Variants in TMPRSS15 observed in about 807,000 individuals in gnomAD.
TMPRSS15 encodes enteropeptidase.
TMPRSS15 carries 128 observed loss-of-function variants against 125.3 expected under a neutral mutation model. The ratio of observed to expected loss-of-function variants is 1.02; its 90% CI spans 0.89 to 1.18. The LOEUF (loss-of-function observed/expected upper bound fraction) is 1.18. Ranked by LOEUF, TMPRSS15 falls within the 50% of genes most tolerant of loss-of-function variation. The pLI, the probability that TMPRSS15 is intolerant of heterozygous loss-of-function variation, is 0.00. For missense variants in TMPRSS15, 1,283 were observed against 1,212.7 expected, an observed-to-expected ratio of 1.06 and a Z score of -0.86; for synonymous variants, 446 against 423.2, an observed-to-expected ratio of 1.05 and a Z score of -0.66.
chr21:18,472,776 T>C (rs538389397), intron 1 of TMPRSS15, among the ~76,000 whole-genome samples: 1 of 152,092 alleles, frequency 6.6e-6, no homozygotes, highest in Admixed American at 6.6e-5. Flanking sequence ...GCTACTAAAA[T>C]CAATGAATGG....
chr21:18,382,645 A>G (rs1057436362), intron 4 of TMPRSS15, among the ~76,000 whole-genome samples: 2 of 152,170 alleles, frequency 1.3e-5, no homozygotes, highest in African/African-American at 4.8e-5. Context: ...GGCTATTTAG[A>G]GTTTCTCTTT....
chr21:18,303,435 T>C (rs2074994569), intron 18 of TMPRSS15, among the ~76,000 whole-genome samples: 1 of 152,116 alleles, frequency 6.6e-6, no homozygotes, highest in Non-Finnish European at 1.5e-5. Flanking sequence ...TTGGATTTTA[T>C]CGATTTTATT....
intron 8 of TMPRSS15, 92 bp downstream of exon 8, chr21:18,359,665 T>G: frequency 1.6e-6 from 1 of 642,278 alleles, no homozygotes; most frequent in Non-Finnish European, 2.8e-6. Context: ...AAGTCCATAT[T>G]CACTTCAAAA....
chr21:18,310,084 T>G (rs59950636), intron 18 of TMPRSS15, among the ~76,000 whole-genome samples: 1 of 151,980 alleles, frequency 6.6e-6, no homozygotes, highest in Non-Finnish European at 1.5e-5. Context: ...AGATTACATA[T>G]GACAAAGCCA....
In TMPRSS15 at chr21:18,372,182, G is replaced by C. The variant is rs1230991221; in HGVS notation, c.664+11C>G. On this transcript the variant is annotated intron_variant, in intron 6 of 24. Transcript: ENST00000284885. Reference sequence around the variant, plus strand: ...AAAACAGAAGGGGAGAGAGTAGGGGGGAGAACTTACCACACATTTTATTGT... The same window carrying C: ...AAAACAGAAGGGGAGAGAGTAGGGGCGAGAACTTACCACACATTTTATTGT... 1 of 1,600,574 alleles carries C rather than the reference G, an allele frequency of 6.2e-7. No individual in the cohort carries two copies. Among genetic ancestry groups the C allele is most frequent in the Admixed American group, 1.7e-5 (1 of 59,404 alleles).
intron 22 of TMPRSS15, among the ~76,000 whole-genome samples, chr21:18,279,266 A>G (rs1002925509): frequency 4.1e-5 from 6 of 145,120 alleles, no homozygotes; most frequent in African/African-American, 1.5e-4. Context: ...TAGATCGGCT[A>G]CCACTGGTGG....
intron 17 of TMPRSS15, 112 bp downstream of exon 17, chr21:18,315,034 C>CA: frequency 1.2e-6 from 1 of 854,542 alleles, no homozygotes; most frequent in Non-Finnish European, 1.9e-6. Flanking sequence ...GTTCTCGTTC[C>CA]AAAGCATCAA....
chr21:18,277,097 T>C (rs1408529336), intron 23 of TMPRSS15, among the ~76,000 whole-genome samples: 1 of 152,048 alleles, frequency 6.6e-6, no homozygotes, highest in Non-Finnish European at 1.5e-5. Flanking sequence ...ATTAAGTAGA[T>C]GGAAGTCATA....
intron 21 of TMPRSS15, among the ~76,000 whole-genome samples, chr21:18,292,698 A>G (rs2074853283): frequency 6.6e-6 from 1 of 152,220 alleles, no homozygotes; most frequent in African/African-American, 2.4e-5. Flanking sequence ...ACCTATGTGC[A>G]ACAGAAAACA....
intron 1 of TMPRSS15, among the ~76,000 whole-genome samples, chr21:18,442,973 A>G (rs1318286999): frequency 6.6e-6 from 1 of 152,176 alleles, no homozygotes; most frequent in Non-Finnish European, 1.5e-5. Flanking sequence ...AGGTGATGGG[A>G]TGTAGGTTAA....
chr21:18,453,836 C>A (rs903463239), intron 1 of TMPRSS15, among the ~76,000 whole-genome samples: 1 of 152,102 alleles, frequency 6.6e-6, no homozygotes, highest in Admixed American at 6.6e-5. Context: ...GGAAATCCTG[C>A]CATTTGAGAC....
intron 1 of TMPRSS15, among the ~76,000 whole-genome samples, chr21:18,437,615 A>C (rs1343393195): frequency 1.8e-4 from 28 of 152,320 alleles, no homozygotes; most frequent in Middle Eastern, 3.4e-3. Context: ...CAATGAACTC[A>C]AACAAATTTA....
intron 13 of TMPRSS15, among the ~76,000 whole-genome samples, chr21:18,339,181 G>A (rs1021171934): frequency 6.6e-6 from 1 of 152,012 alleles, no homozygotes; most frequent in Non-Finnish European, 1.5e-5. Context: ...AAATTTGAAT[G>A]AATGATTAAA....
At chr21:18,471,249 G>T (rs1226318106) in intron 1 of TMPRSS15, among the ~76,000 whole-genome samples, 1 of 152,012 alleles carries the variant, frequency 6.6e-6, no homozygotes, top group Non-Finnish European at 1.5e-5. Context: ...TTGCAGATTT[G>T]TAATTTCATA....
intron 1 of TMPRSS15, among the ~76,000 whole-genome samples, chr21:18,413,208 C>G (rs1341128224): frequency 1.3e-5 from 2 of 150,042 alleles, no homozygotes; most frequent in African/African-American, 4.9e-5. Context: ...TCCCTCCCTC[C>G]CTCCCTTCCT....
At chr21:18,372,093 T>G in intron 6 of TMPRSS15, 100 bp downstream of exon 6, 1 of 1,069,870 alleles carries the variant, frequency 9.3e-7, no homozygotes, top group Non-Finnish European at 1.3e-6. Flanking sequence ...GTATTTGAGA[T>G]TAGAATGTGT....
At chr21:18,394,214 A>G (rs1753681963) in intron 3 of TMPRSS15, among the ~76,000 whole-genome samples, 1 of 152,052 alleles carries the variant, frequency 6.6e-6, no homozygotes, top group Non-Finnish European at 1.5e-5. Context: ...CTATAGGGGG[A>G]TTTTAAGTTA....
chr21:18,344,084 T>A, intron 10 of TMPRSS15, 24 bp from the exon 11 acceptor site: 1 of 1,578,208 alleles, frequency 6.3e-7, no homozygotes, highest in Non-Finnish European at 8.7e-7. Context: ...AAAAAAAATT[T>A]ATTTCACTTA....
intron 1 of TMPRSS15, among the ~76,000 whole-genome samples, chr21:18,464,108 G>C (rs1227650490): frequency 6.8e-6 from 1 of 147,484 alleles, no homozygotes; most frequent in Non-Finnish European, 1.5e-5. Flanking sequence ...GGGAGGCAGA[G>C]CTTGCAGTGA....
Sources: allele counts gnomAD v4.1 joint callset (sites outside exome capture counted in the v4.1 genomes callset), GRCh38; gene constraint gnomAD v4.1.1; transcripts MANE v1.5; gene names NCBI Gene and HGNC (gene_info 2026-07-23, HGNC 2026-07-21).